Variants in INSC observed in about 807,000 individuals in gnomAD.
The protein encoded by INSC is protein inscuteable homolog.
In INSC, 67 loss-of-function variants were observed where a neutral mutation model predicts 58.6. That is an observed-to-expected ratio of 1.14 (90% CI 0.94 to 1.40). The LOEUF is 1.40. Ranked by LOEUF, INSC falls within the 40% of genes most tolerant of loss-of-function variation. The pLI is 0.00. For synonymous variants in INSC, 262 were observed against 276.1 expected, an observed-to-expected ratio of 0.95 and a Z score of 0.51; for missense variants, 714 against 692.0, an observed-to-expected ratio of 1.03 and a Z score of -0.36.
In INSC at chr11:15,238,788, T is replaced by A. The variant is rs550515568; in HGVS notation, c.1238-131T>A. ...GGAGGAACAGCCTTGTCCAGCTTCC[T>A]CCCTGTGGGTGAGACCCCTGAAGTC... is the stretch of plus-strand genomic sequence containing the variant. On this transcript the variant is annotated intron_variant, in intron 10 of 12. Transcript: ENST00000379556. 107 of 831,150 alleles carry A rather than the reference T, an allele frequency of 1.3e-4. 1 individual carries two copies. The African/African-American group carries it at 1.8e-3, about 14-fold the overall frequency. 51.5% of individuals were successfully genotyped at this position (831,150 alleles called of 1,614,324 possible).
chr11:15,141,777 T>A (rs1848378191), intron 1 of INSC, among the ~76,000 whole-genome samples: 1 of 152,098 alleles, frequency 6.6e-6, no homozygotes, highest in African/African-American at 2.4e-5. Context: ...GATTACCTCC[T>A]AGAGCTCTTT....
chr11:15,171,559 C>T (rs971920642), intron 2 of INSC, among the ~76,000 whole-genome samples: 6 of 152,144 alleles, frequency 3.9e-5, no homozygotes, highest in Admixed American at 3.9e-4. Context: ...AGTCCAAACC[C>T]TACCCAGGAT....
intron 7 of INSC, among the ~76,000 whole-genome samples, chr11:15,206,770 C>T (rs752797530): frequency 6.6e-6 from 1 of 152,206 alleles, no homozygotes; most frequent in Non-Finnish European, 1.5e-5. Flanking sequence ...AAATGGGACT[C>T]CCACCTTCTT....
At chr11:15,254,589 T>C in the INSC span, among the ~76,000 whole-genome samples, 1 of 152,218 alleles carries the variant, frequency 6.6e-6, no homozygotes, top group Non-Finnish European at 1.5e-5. Context: ...GGGATAATGA[T>C]AGTGCCTTAG....
chr11:15,152,636 T>C (rs1253740326), intron 2 of INSC, among the ~76,000 whole-genome samples: 1 of 152,214 alleles, frequency 6.6e-6, no homozygotes, highest in Non-Finnish European at 1.5e-5. Flanking sequence ...TGCTGCCTGA[T>C]TCATGAATTG....
chr11:15,175,152 G>A (rs1398276887), intron 2 of INSC, among the ~76,000 whole-genome samples: 5 of 152,172 alleles, frequency 3.3e-5, no homozygotes, highest in Non-Finnish European at 5.9e-5. Flanking sequence ...AGAGCCTTTA[G>A]CATTGTAATG....
chr11:15,161,732 C>A (rs768999879), intron 2 of INSC, among the ~76,000 whole-genome samples: 1 of 152,146 alleles, frequency 6.6e-6, no homozygotes, highest in Non-Finnish European at 1.5e-5. Flanking sequence ...CCGCCACTTA[C>A]GTAAAAGCCC....
At chr11:15,243,267 C>A (rs1852427611) in intron 12 of INSC, among the ~76,000 whole-genome samples, 1 of 152,178 alleles carries the variant, frequency 6.6e-6, no homozygotes, top group South Asian at 2.1e-4. Context: ...AGCCACCATT[C>A]CTGCTCTTCC....
At chr11:15,238,814 A>T in intron 10 of INSC, 105 bp from the exon 11 acceptor site, 1 of 1,214,552 alleles carries the variant, frequency 8.2e-7, no homozygotes, top group Middle Eastern at 2.0e-4. Context: ...CCCTGAAGTC[A>T]TCCTGACAGC....
intron 2 of INSC, among the ~76,000 whole-genome samples, chr11:15,167,999 T>G (rs1399550710): frequency 6.6e-6 from 1 of 152,154 alleles, no homozygotes; most frequent in Non-Finnish European, 1.5e-5. Context: ...ACAGTTTCCC[T>G]TCATCTTCCT....
chr11:15,191,876 A>G lies in INSC; in HGVS notation c.693+1062A>G, dbSNP rs527319924. The stretch of plus-strand genomic sequence containing the variant: ...AGCAGGAGGAGAATCTGGGTCCTCT[A>G]TTGTTTTTTCACCAAAGATATTGGC... On this transcript the variant is annotated intron_variant, in intron 6 of 12. Transcript: ENST00000379556. Among the ~76,000 whole-genome samples, 14 of 152,268 alleles carry G rather than the reference A, an allele frequency of 9.2e-5. No individual in the cohort carries two copies. In the East Asian group the frequency reaches 2.7e-3, roughly 29 times the overall value.
intron 2 of INSC, among the ~76,000 whole-genome samples, chr11:15,161,091 G>C (rs1240008361): frequency 1.3e-5 from 2 of 152,212 alleles, no homozygotes; most frequent in Non-Finnish European, 2.9e-5. Context: ...TGTTAGAGTA[G>C]TCAAATCTCT....
At chr11:15,211,358 A>G (rs1205557732) in intron 7 of INSC, among the ~76,000 whole-genome samples, 1 of 152,168 alleles carries the variant, frequency 6.6e-6, no homozygotes, top group African/African-American at 2.4e-5. Flanking sequence ...TGTGAAATGT[A>G]GGGCTGAGTC....
At chr11:15,209,408 T>C (rs542200736) in intron 7 of INSC, among the ~76,000 whole-genome samples, 1 of 152,200 alleles carries the variant, frequency 6.6e-6, no homozygotes, top group Non-Finnish European at 1.5e-5. Flanking sequence ...GGGGCCTCCT[T>C]GCCTTGGAGC....
Position 15,156,292 on chromosome 11 carries a change from T to C in INSC, c.56+7062T>C, listed in dbSNP as rs1443149229. 3.3e-5 allele frequency among the ~76,000 whole-genome samples: 5 copies of C among 152,130 alleles called. No homozygotes were observed. The East Asian group carries it at 9.6e-4, about 29-fold the overall frequency. Reference sequence around the variant, plus strand: ...ATCGTCTTTATATGATCATAAACTATAAAAAGGCAACTGTATGTCACCTAA... The same window carrying C: ...ATCGTCTTTATATGATCATAAACTACAAAAAGGCAACTGTATGTCACCTAA... On this transcript the variant is annotated intron_variant, in intron 2 of 12. Transcript: ENST00000379556.
intron 9 of INSC, among the ~76,000 whole-genome samples, chr11:15,234,674 G>A (rs1027033106): frequency 3.3e-5 from 5 of 152,184 alleles, no homozygotes; most frequent in African/African-American, 4.8e-5. Flanking sequence ...TACCACTTGA[G>A]AGCGCTGTCC....
intron 5 of INSC, chr11:15,188,061 G>A (rs2133854675): frequency 2.6e-6 from 1 of 390,412 alleles, no homozygotes; most frequent in South Asian, 1.1e-4. Context: ...TCAAGCCAAA[G>A]TCCCCTGTTT....
chr11:15,263,756 C>G, the INSC span, among the ~76,000 whole-genome samples: 3 of 152,130 alleles, frequency 2.0e-5, no homozygotes, highest in Middle Eastern at 3.4e-3. Flanking sequence ...GGGCTCTTAT[C>G]GGAAGGCTTT....
intron 8 of INSC, 102 bp from the exon 9 acceptor site, chr11:15,225,548 A>G: frequency 3.4e-6 from 4 of 1,190,742 alleles, no homozygotes; most frequent in Non-Finnish European, 4.7e-6. Flanking sequence ...GTATTATAAC[A>G]CCTGCTCAAA....
Sources: gnomAD v4.1 joint callset for allele counts (sites outside exome capture counted in the v4.1 genomes callset) on GRCh38, gnomAD v4.1.1 for gene constraint, MANE v1.5 for transcripts, NCBI Gene and HGNC (gene_info 2026-07-23, HGNC 2026-07-21) for gene names.